Variants in AGBL1 observed in about 807,000 individuals in gnomAD.
The protein encoded by AGBL1 is AGBL carboxypeptidase 1, also known as cytosolic carboxypeptidase 4.
A neutral mutation model predicts 118.9 loss-of-function variants in AGBL1; 130 were observed. That is an observed-to-expected ratio of 1.09 (90% CI 0.95 to 1.26). The LOEUF (loss-of-function observed/expected upper bound fraction) is 1.26, where lower values mean the gene tolerates loss of function less well. AGBL1 is among the 50% of genes most tolerant of loss of function. The probability of loss-of-function intolerance (pLI) is 0.00; values close to 1 mark genes in which losing one functional copy is unlikely to be tolerated. For missense variants in AGBL1, 1,584 were observed against 1,298.1 expected (o/e 1.22, Z -3.38); for synonymous variants, 555 against 478.9 (o/e 1.16, Z -2.08).
At chr15:86,515,744 A>G (rs1175355773) in intron 18 of AGBL1, among the ~76,000 whole-genome samples, 1 of 152,174 alleles carries the variant, frequency 6.6e-6, no homozygotes, top group African/African-American at 2.4e-5. Context: ...TTGCATGTGT[A>G]TTTGGCAAAT....
At chr15:86,931,913 T>TA (rs201356713) in intron 23 of AGBL1, among the ~76,000 whole-genome samples, 316 of 151,588 alleles carry the variant, frequency 2.1e-3, no homozygotes, top group African/African-American at 7.0e-3. Flanking sequence ...ATGCAAGCAG[T>TA]AAAAAAAAAT....
At chr15:86,788,548 A>G (rs2078447368) in intron 22 of AGBL1, among the ~76,000 whole-genome samples, 1 of 152,234 alleles carries the variant, frequency 6.6e-6, no homozygotes, top group Non-Finnish European at 1.5e-5. Flanking sequence ...CTAGGGATAT[A>G]GCAGTGAACA....
At chr15:87,011,759 G>A (rs185606125) in intron 24 of AGBL1, among the ~76,000 whole-genome samples, 1 of 152,170 alleles carries the variant, frequency 6.6e-6, no homozygotes, top group Non-Finnish European at 1.5e-5. Flanking sequence ...TTGCTTAGGA[G>A]CTCAAAATTT....
At chr15:86,718,224 T>G (rs2086666243) in intron 22 of AGBL1, among the ~76,000 whole-genome samples, 1 of 152,008 alleles carries the variant, frequency 6.6e-6, no homozygotes, top group Non-Finnish European at 1.5e-5. Flanking sequence ...TGTGTTGAGT[T>G]CATGTCTTTT....
At chr15:86,214,721 T>A (rs2078156657) in intron 5 of AGBL1, among the ~76,000 whole-genome samples, 1 of 152,228 alleles carries the variant, frequency 6.6e-6, no homozygotes, top group African/African-American at 2.4e-5. Context: ...TGCTTGTGAA[T>A]TTGGAAGTAC....
chr15:86,699,852 A>C (rs1226063491), intron 22 of AGBL1, among the ~76,000 whole-genome samples: 1 of 152,038 alleles, frequency 6.6e-6, no homozygotes. Flanking sequence ...GTGAGATGCT[A>C]CCCTGAGACT....
At chr15:86,345,527 T>C (rs2080523575) in intron 17 of AGBL1, among the ~76,000 whole-genome samples, 3 of 152,308 alleles carry the variant, frequency 2.0e-5, no homozygotes, top group South Asian at 4.1e-4. Flanking sequence ...TACCTCTAAC[T>C]GTAAGGAAGC....
chr15:86,611,194 G>C (rs561443437), intron 21 of AGBL1, among the ~76,000 whole-genome samples: 1 of 152,222 alleles, frequency 6.6e-6, no homozygotes, highest in Non-Finnish European at 1.5e-5. Context: ...GTATGCTCAG[G>C]GTGTGTGGAT....
In AGBL1 at chr15:86,899,030, A is replaced by G. The variant is rs750212499; in HGVS notation, c.3159-8057A>G. 1.0e-3 allele frequency among the ~76,000 whole-genome samples: 159 copies of G among 152,300 alleles called. 2 individuals are homozygous for G. The highest frequency in any genetic ancestry group is 3.2e-4 in the Non-Finnish European group (22 of 68,030). The stretch of plus-strand genomic sequence containing the variant: ...AACTACCATTCAACCCAGCAATTCC[A>G]TTCCTGGGTATATACCCAGAGGAAT... On this transcript the variant is annotated intron_variant, in intron 22 of 22. Transcript: ENST00000614907.
At chr15:86,791,444 C>G (rs549027161) in intron 22 of AGBL1, among the ~76,000 whole-genome samples, 21 of 152,180 alleles carry the variant, frequency 1.4e-4, no homozygotes, top group African/African-American at 5.1e-4. Flanking sequence ...AGCAGGTGCT[C>G]GGTAAATGCC....
At chr15:86,191,515 A>C (rs1275953195) in intron 5 of AGBL1, among the ~76,000 whole-genome samples, 1 of 152,120 alleles carries the variant, frequency 6.6e-6, no homozygotes, top group South Asian at 2.1e-4. Context: ...AGAAAAAGTC[A>C]AAGAGATTAA....
intron 21 of AGBL1, among the ~76,000 whole-genome samples, chr15:86,584,982 G>C (rs2084225018): frequency 6.6e-6 from 1 of 152,088 alleles, no homozygotes; most frequent in South Asian, 2.1e-4. Context: ...TTGGCTCTCA[G>C]CTTGAATGTT....
At chr15:86,942,206 A>T (rs2141655968) in intron 23 of AGBL1, among the ~76,000 whole-genome samples, 1 of 152,320 alleles carries the variant, frequency 6.6e-6, no homozygotes, top group South Asian at 2.1e-4. Context: ...ACTGTAGTAA[A>T]TACTCCCATT....
chr15:86,747,330 TTAAAG>T (rs1490313331), intron 22 of AGBL1, among the ~76,000 whole-genome samples: 1 of 152,012 alleles, frequency 6.6e-6, no homozygotes, highest in Non-Finnish European at 1.5e-5. Context: ...ATTTTGTAGA[TTAAAG>T]TAATATACAA....
intron 23 of AGBL1, among the ~76,000 whole-genome samples, chr15:86,931,412 C>A (rs1327254582): frequency 6.6e-6 from 1 of 152,142 alleles, no homozygotes; most frequent in Non-Finnish European, 1.5e-5. Context: ...TAAACACCCA[C>A]CTTTCTCCTG....
chr15:86,953,858 A>G (rs950368879), intron 23 of AGBL1, among the ~76,000 whole-genome samples: 15 of 152,192 alleles, frequency 9.9e-5, no homozygotes, highest in African/African-American at 3.6e-4. Context: ...AGAATTATAT[A>G]ATCAGCAAAA....
intron 22 of AGBL1, among the ~76,000 whole-genome samples, chr15:86,732,838 G>A (rs2077543628): frequency 6.6e-6 from 1 of 151,158 alleles, no homozygotes; most frequent in African/African-American, 2.4e-5. Flanking sequence ...AGATATATTA[G>A]GGTTCTCTAG....
rs565502852 is a variant in AGBL1, at chr15:86,688,681, A to G, written c.3158+14245A>G. Among the ~76,000 whole-genome samples, 4 of 152,190 alleles carry G rather than the reference A, an allele frequency of 2.6e-5. No homozygotes were observed. In the East Asian group the frequency reaches 7.8e-4, roughly 29 times the overall value. ...CCTATGAAGTGAAATGTTCAAACAA[A>G]CCTGATTTTATTATAGCTTTAACGA... On this transcript the variant is annotated intron_variant, in intron 22 of 22. Coordinates refer to ENST00000614907, the MANE Select transcript of AGBL1 (RefSeq NM_001386094.1).
chr15:86,510,818 G>A (rs1179635294), intron 18 of AGBL1, among the ~76,000 whole-genome samples: 3 of 151,710 alleles, frequency 2.0e-5, no homozygotes. Context: ...ACTGTCCAGA[G>A]AAAAAATATT....
Sources: gnomAD v4.1 joint callset for allele counts (sites outside exome capture counted in the v4.1 genomes callset) on GRCh38, gnomAD v4.1.1 for gene constraint, MANE v1.5 for transcripts, NCBI Gene and HGNC (gene_info 2026-07-23, HGNC 2026-07-21) for gene names.